Variants in SUCLG2 observed in about 807,000 individuals in gnomAD.
SUCLG2 encodes succinate--CoA ligase [GDP-forming] subunit beta, mitochondrial.
Under a neutral mutation model 47.9 loss-of-function variants are expected in SUCLG2, and 42 were observed. The observed-to-expected ratio is 0.88, with a 90% CI of 0.69 to 1.14. The LOEUF is 1.14. Ranked by LOEUF, SUCLG2 falls within the 50% of genes most tolerant of loss-of-function variation. The pLI, the probability that SUCLG2 is intolerant of heterozygous loss-of-function variation, is 0.00. For missense variants in SUCLG2, 571 were observed against 525.9 expected (o/e 1.09, Z -0.84); for synonymous variants, 195 against 197.3 (o/e 0.99, Z 0.10).
At chr3:67,515,460 CATCTTT>C (rs1232071304) in intron 6 of SUCLG2, among the ~76,000 whole-genome samples, 2 of 152,110 alleles carry the variant, frequency 1.3e-5, no homozygotes, top group Non-Finnish European at 2.9e-5. Flanking sequence ...AGCAAAGTAT[CATCTTT>C]ATTTTTGTTA....
downstream of SUCLG2, among the ~76,000 whole-genome samples, chr3:67,373,903 C>G (rs530305257): frequency 6.6e-6 from 1 of 152,182 alleles, no homozygotes; most frequent in East Asian, 1.9e-4. Context: ...GCAAAAAGAA[C>G]AAGCTCTGAT....
intron 7 of SUCLG2, among the ~76,000 whole-genome samples, chr3:67,502,622 C>G (rs1040657880): frequency 2.0e-5 from 3 of 152,156 alleles, no homozygotes; most frequent in African/African-American, 7.2e-5. Flanking sequence ...TATGCACATG[C>G]TTTTTTATAC....
At chr3:67,495,712 TC>T (rs1335255042) in intron 9 of SUCLG2, 85 bp downstream of exon 9, 1 of 1,457,090 alleles carries the variant, frequency 6.9e-7, no homozygotes, top group East Asian at 2.3e-5. Context: ...TATTGACTTA[TC>T]AACTCTCACC....
chr3:67,376,148 T>C (rs1702031033), intron 10 of SUCLG2: 28 of 976,014 alleles, frequency 2.9e-5, no homozygotes, highest in African/African-American at 5.6e-5. Context: ...GTGGATTTAA[T>C]GCGGTTTTGG....
At chr3:67,608,893 TCTCAAA>T (rs1313608571) in intron 2 of SUCLG2, among the ~76,000 whole-genome samples, 1 of 152,058 alleles carries the variant, frequency 6.6e-6, no homozygotes, top group Non-Finnish European at 1.5e-5. Context: ...CCCAGGCTGG[TCTCAAA>T]CTCCTGGACT....
intron 9 of SUCLG2, among the ~76,000 whole-genome samples, chr3:67,489,499 G>T (rs1705151355): frequency 6.6e-6 from 1 of 152,184 alleles, no homozygotes; most frequent in South Asian, 2.1e-4. Context: ...AGAAAGAATG[G>T]CTGCCTGGAA....
intron 1 of SUCLG2, among the ~76,000 whole-genome samples, chr3:67,636,256 C>T (rs1428173937): frequency 1.3e-5 from 2 of 151,770 alleles, no homozygotes; most frequent in East Asian, 1.9e-4. Flanking sequence ...AGCCTGAGAG[C>T]TATGAAAACA....
At chr3:67,547,867 T>C (rs1264348254) in intron 2 of SUCLG2, among the ~76,000 whole-genome samples, 1 of 152,066 alleles carries the variant, frequency 6.6e-6, no homozygotes, top group Non-Finnish European at 1.5e-5. Flanking sequence ...TCAAACCTAA[T>C]GAAGCCACTC....
intron 9 of SUCLG2, among the ~76,000 whole-genome samples, chr3:67,401,857 G>T (rs1702690316): frequency 6.6e-6 from 1 of 152,154 alleles, no homozygotes; most frequent in Non-Finnish European, 1.5e-5. Context: ...AAACATATGA[G>T]AAGAGAATAT....
chr3:67,547,557 G>A (rs1706898711), intron 2 of SUCLG2, among the ~76,000 whole-genome samples: 1 of 152,164 alleles, frequency 6.6e-6, no homozygotes, highest in African/African-American at 2.4e-5. Context: ...CCCAGCAGGA[G>A]GTGGAACAGT....
chr3:67,515,235 T>C (rs919735212), intron 6 of SUCLG2, among the ~76,000 whole-genome samples: 1 of 152,208 alleles, frequency 6.6e-6, no homozygotes, highest in Non-Finnish European at 1.5e-5. Flanking sequence ...TCAAAATTTA[T>C]CCTAAGTATA....
chr3:67,653,480 C>G (rs925350775), intron 1 of SUCLG2, among the ~76,000 whole-genome samples: 3 of 152,110 alleles, frequency 2.0e-5, no homozygotes, highest in Non-Finnish European at 4.4e-5. Context: ...ATGTCATAAC[C>G]AAAGTTTAGA....
intron 9 of SUCLG2, among the ~76,000 whole-genome samples, chr3:67,460,836 A>G (rs1221584916): frequency 6.6e-6 from 1 of 152,196 alleles, no homozygotes; most frequent in African/African-American, 2.4e-5. Context: ...AGAAGAGAGT[A>G]AAAAATCATT....
intron 2 of SUCLG2, among the ~76,000 whole-genome samples, chr3:67,586,717 G>T (rs887632586): frequency 6.6e-6 from 1 of 152,216 alleles, no homozygotes; most frequent in Non-Finnish European, 1.5e-5. Flanking sequence ...GCACAGTATG[G>T]TGGTTAGGAA....
intron 1 of SUCLG2, among the ~76,000 whole-genome samples, chr3:67,619,790 G>A (rs879697490): frequency 3.9e-5 from 6 of 152,124 alleles, no homozygotes; most frequent in Non-Finnish European, 8.8e-5. Context: ...TCTGCCAGCA[G>A]CAAGAAAGAA....
intron 2 of SUCLG2, among the ~76,000 whole-genome samples, chr3:67,606,141 A>G (rs1444668837): frequency 1.3e-5 from 2 of 152,116 alleles, no homozygotes; most frequent in East Asian, 3.8e-4. Flanking sequence ...GGAGTTCGAG[A>G]TTGCACTGAA....
intron 6 of SUCLG2, among the ~76,000 whole-genome samples, chr3:67,515,022 A>G (rs2107115048): frequency 6.6e-6 from 1 of 152,246 alleles, no homozygotes; most frequent in Non-Finnish European, 1.5e-5. Context: ...GAGAAGCCCA[A>G]TGCTACATCG....
At chr3:67,647,469 A>G (rs1218255570) in intron 1 of SUCLG2, among the ~76,000 whole-genome samples, 4 of 152,216 alleles carry the variant, frequency 2.6e-5, no homozygotes, top group African/African-American at 9.6e-5. Context: ...AAAGGCAATG[A>G]CATTTCACAA....
chr3:67,589,006 T>G (rs780727327), intron 2 of SUCLG2, among the ~76,000 whole-genome samples: 1 of 152,178 alleles, frequency 6.6e-6, no homozygotes, highest in Non-Finnish European at 1.5e-5. Context: ...TCTAAGACCC[T>G]GCCCATCCCT....
Sources: allele counts gnomAD v4.1 joint callset (sites outside exome capture counted in the v4.1 genomes callset), GRCh38; gene constraint gnomAD v4.1.1; transcripts MANE v1.5; gene names NCBI Gene and HGNC (gene_info 2026-07-23, HGNC 2026-07-21).